Variants in COMMD1 observed in about 807,000 individuals in gnomAD.
COMMD1 encodes the protein copper metabolism domain containing 1, also known as COMM domain-containing protein 1.
A neutral mutation model predicts 17.2 loss-of-function variants in COMMD1; 10 were observed. The ratio of observed to expected loss-of-function variants is 0.58; its 90% CI spans 0.36 to 0.99. The LOEUF (loss-of-function observed/expected upper bound fraction) is 0.99. Among genes scored for constraint, COMMD1 ranks in the 50% least tolerant of loss-of-function variants. The pLI is 0.01. For synonymous variants in COMMD1, 97 were observed against 91.6 expected (o/e 1.06, Z -0.34); for missense variants, 270 against 231.8 (o/e 1.17, Z -1.07).
intron 2 of COMMD1, among the ~76,000 whole-genome samples, chr2:62,057,075 C>A (rs1304189791): frequency 6.6e-6 from 1 of 152,096 alleles, no homozygotes; most frequent in Non-Finnish European, 1.5e-5. Flanking sequence ...TCCCACCACC[C>A]CCAATCCTGC....
At chr2:62,045,209 CG>C (rs1670345775) in intron 2 of COMMD1, among the ~76,000 whole-genome samples, 1 of 151,974 alleles carries the variant, frequency 6.6e-6, no homozygotes, top group African/African-American at 2.4e-5. Flanking sequence ...ACTGTCCTTA[CG>C]TGCTGAGTCT....
intron 2 of COMMD1, among the ~76,000 whole-genome samples, chr2:62,081,350 C>G (rs987079273): frequency 6.6e-6 from 1 of 151,464 alleles, no homozygotes; most frequent in African/African-American, 2.4e-5. Context: ...CTCCCGGGTT[C>G]AAGCAATTCT....
intron 1 of COMMD1, among the ~76,000 whole-genome samples, chr2:61,893,829 G>A (rs1669494591): frequency 6.6e-6 from 1 of 151,114 alleles, no homozygotes; most frequent in South Asian, 2.1e-4. Context: ...AAAAAAAATT[G>A]AGAAAAATTG....
chr2:62,045,413 A>G (rs924605951), intron 2 of COMMD1, among the ~76,000 whole-genome samples: 7 of 152,204 alleles, frequency 4.6e-5, no homozygotes, highest in African/African-American at 1.7e-4. Flanking sequence ...TATAGAAACT[A>G]TACCTATATC....
chr2:62,111,478 G>A (rs925214548), intron 2 of COMMD1, among the ~76,000 whole-genome samples: 88 of 152,138 alleles, frequency 5.8e-4, no homozygotes, highest in African/African-American at 2.0e-3. Flanking sequence ...GCCCAGCAAG[G>A]CCTTTCGGTT....
intron 2 of COMMD1, among the ~76,000 whole-genome samples, chr2:62,117,174 T>C (rs571864817): frequency 1.3e-5 from 2 of 152,276 alleles, no homozygotes; most frequent in Non-Finnish European, 2.9e-5. Context: ...AGTCTCTTTT[T>C]AACATGCTTC....
At chr2:62,070,544 T>C (rs1424097122) in intron 2 of COMMD1, among the ~76,000 whole-genome samples, 4 of 73,610 alleles carry the variant, frequency 5.4e-5, no homozygotes, top group Non-Finnish European at 9.8e-5. Flanking sequence ...CAAGACCCTG[T>C]CTCTAAAAAA....
intron 2 of COMMD1, among the ~76,000 whole-genome samples, chr2:62,017,741 A>G (rs965872245): frequency 6.6e-6 from 1 of 152,006 alleles, no homozygotes; most frequent in Non-Finnish European, 1.5e-5. Context: ...TAATTCTTTA[A>G]AAACGCTGAC....
chr2:61,923,328 T>C (rs1478309523), intron 1 of COMMD1, among the ~76,000 whole-genome samples: 1 of 152,166 alleles, frequency 6.6e-6, no homozygotes, highest in African/African-American at 2.4e-5. Context: ...AATTCATTCC[T>C]ATATACATTA....
intron 1 of COMMD1, chr2:61,928,789 A>C (rs1670391792): frequency 6.6e-6 from 1 of 152,320 alleles, no homozygotes; most frequent in Middle Eastern, 3.4e-3. Context: ...GTCCCCTGAA[A>C]CAGGTCATAA....
chr2:61,916,795 A>G (rs572929793), intron 1 of COMMD1, among the ~76,000 whole-genome samples: 1 of 152,268 alleles, frequency 6.6e-6, no homozygotes, highest in South Asian at 2.1e-4. Context: ...GGAATGTAGT[A>G]TTAGGAATTT....
At chr2:62,049,463 T>G (rs1166498115) in intron 2 of COMMD1, among the ~76,000 whole-genome samples, 1 of 152,110 alleles carries the variant, frequency 6.6e-6, no homozygotes, top group Non-Finnish European at 1.5e-5. Flanking sequence ...TCTTTGGTTG[T>G]TTCACCTCGG....
chr2:62,029,813 G>A (rs1258855486), intron 2 of COMMD1, among the ~76,000 whole-genome samples: 1 of 152,222 alleles, frequency 6.6e-6, no homozygotes, highest in Admixed American at 6.5e-5. Flanking sequence ...GTAGAAGACT[G>A]TCCTGTGCCT....
intron 2 of COMMD1, among the ~76,000 whole-genome samples, chr2:62,070,576 TAAAAG>T (rs894302497): frequency 7.4e-6 from 1 of 135,378 alleles, no homozygotes; most frequent in South Asian, 2.3e-4. Context: ...AACTAAAAGA[TAAAAG>T]AAAAGGAAAC....
At chr2:61,987,419 T>C (rs1177183732) in intron 1 of COMMD1, among the ~76,000 whole-genome samples, 2 of 152,206 alleles carry the variant, frequency 1.3e-5, no homozygotes, top group East Asian at 1.9e-4. Flanking sequence ...TCCAACATCA[T>C]TGAAGTTCTT....
intron 2 of COMMD1, chr2:62,118,967 G>T (rs144808199): frequency 1.3e-5 from 2 of 152,292 alleles, no homozygotes; most frequent in East Asian, 3.9e-4. Context: ...AAGCACTGGG[G>T]AGTATTTTGT....
chr2:62,032,352 G>A (rs540878287), intron 2 of COMMD1, among the ~76,000 whole-genome samples: 1 of 152,254 alleles, frequency 6.6e-6, no homozygotes, highest in Non-Finnish European at 1.5e-5. Context: ...CCTGGGCAAT[G>A]AAGCAAGACC....
intron 2 of COMMD1, among the ~76,000 whole-genome samples, chr2:62,027,344 T>C (rs1390415269): frequency 2.6e-5 from 4 of 152,226 alleles, no homozygotes; most frequent in African/African-American, 9.6e-5. Flanking sequence ...TTTGATCTAA[T>C]GAGTTGACTC....
chr2:61,889,202 C>CT (rs34949326), intron 1 of COMMD1, among the ~76,000 whole-genome samples: 884 of 54,702 alleles, frequency 0.016, 158 homozygotes, highest in African/African-American at 0.053. Flanking sequence ...GAAGCCCGGC[C>CT]TTTTTTTTTT....
Sources: allele counts gnomAD v4.1 joint callset (sites outside exome capture counted in the v4.1 genomes callset), GRCh38; gene constraint gnomAD v4.1.1; transcripts MANE v1.5; gene names NCBI Gene and HGNC (gene_info 2026-07-23, HGNC 2026-07-21).